The following IKZF1 variants were observed in gnomAD, a reference collection of about 807,000 sequenced individuals.
IKZF1 encodes DNA-binding protein Ikaros.
Under a neutral mutation model 51.7 loss-of-function variants are expected in IKZF1, and 10 were observed. The ratio of observed to expected loss-of-function variants is 0.19; its 90% CI spans 0.12 to 0.33. The LOEUF is 0.33. Ranked by LOEUF, IKZF1 falls within the 10% of genes least tolerant of loss-of-function variation. IKZF1 has a pLI of 1.00. For synonymous variants in IKZF1, 280 were observed against 282.3 expected (o/e 0.99, Z 0.08); for missense variants, 484 against 707.5 (o/e 0.68, Z 3.58).
chr7:50,388,819 A>G (rs1408067484), intron 6 of IKZF1, among the ~76,000 whole-genome samples: 1 of 152,242 alleles, frequency 6.6e-6, no homozygotes, highest in Admixed American at 6.5e-5. Context: ...TCTGTAAAAA[A>G]TAAGTGAATG....
At position 50,400,954 on chromosome 7, in the gene IKZF1, A is replaced by G. The variant is rs1818014855; in HGVS notation, c.*327A>G. 1 of 430,196 alleles carries G rather than the reference A, an allele frequency of 2.3e-6. No individual in the cohort carries two copies. The highest frequency in any genetic ancestry group is 4.2e-6 in the Non-Finnish European group (1 of 237,626). The allele number at this position is 430,196 out of a possible 1,614,324, so 26.6% of individuals were successfully genotyped here. On this transcript the variant is annotated 3_prime_UTR_variant, in exon 8 of 8. Transcript: ENST00000331340. The surrounding 1 kb of genome is among the most constrained non-coding windows in gnomAD (Gnocchi z 5.4). ...CCAAACGATTAGTCTAAATTTTCAGAGAGAAATAGATAAAACACGCCACAG... is the reference window on the plus strand; with the variant it reads ...CCAAACGATTAGTCTAAATTTTCAGGGAGAAATAGATAAAACACGCCACAG...
chr7:50,386,905 C>T lies in IKZF1; in HGVS notation c.590-440C>T, dbSNP rs78110505. On this transcript the variant is annotated intron_variant, in intron 5 of 7. Coordinates refer to ENST00000331340, the MANE Select transcript of IKZF1 (RefSeq NM_006060.6). ...TTCACTCTGGCTGTGTTAGATGTAG[C>T]ACCAGCGTCATGACAGATCCAGCCC... 1.0e-3 allele frequency among the ~76,000 whole-genome samples: 154 copies of T among 152,332 alleles called. 1 individual carries two copies. The East Asian group carries it at 0.028, about 28-fold the overall frequency.
Position 50,402,040 on chromosome 7 carries a change from C to G in IKZF1, c.*1413C>G. ...AGGAAAGAGGAGGCAAATGGCACTGCAGGTGAGAACCCCGCCCATCCGTGC... is the reference window on the plus strand; with the variant it reads ...AGGAAAGAGGAGGCAAATGGCACTGGAGGTGAGAACCCCGCCCATCCGTGC... On this transcript the variant is annotated 3_prime_UTR_variant, in exon 8 of 8. Coordinates refer to ENST00000331340, the MANE Select transcript of IKZF1 (RefSeq NM_006060.6). The G allele has an allele frequency of 4.3e-6, 1 of 230,002 alleles. No homozygotes were observed. The highest frequency in any genetic ancestry group is 8.6e-6 in the Non-Finnish European group (1 of 115,920). The allele number at this position is 230,002 out of a possible 1,614,324, so 14.2% of individuals were successfully genotyped here.
chr7:50,314,878 G>A (rs1791111793), intron 1 of IKZF1, among the ~76,000 whole-genome samples: 1 of 152,248 alleles, frequency 6.6e-6, no homozygotes, highest in Non-Finnish European at 1.5e-5. Context: ...CAGGGCTGTT[G>A]GATGTTTCTC....
At chr7:50,361,859 A>G (rs1253611514) in intron 3 of IKZF1, among the ~76,000 whole-genome samples, 2 of 152,142 alleles carry the variant, frequency 1.3e-5, no homozygotes, top group East Asian at 3.9e-4. Flanking sequence ...CTGGTGACAG[A>G]GCAAGACTCC....
intron 3 of IKZF1, among the ~76,000 whole-genome samples, chr7:50,333,494 C>T (rs925533474): frequency 1.3e-5 from 2 of 152,170 alleles, no homozygotes; most frequent in Non-Finnish European, 2.9e-5. Context: ...TAATCAGCAG[C>T]TAGAGGAAGT....
intron 3 of IKZF1, among the ~76,000 whole-genome samples, chr7:50,343,585 A>G (rs1799626738): frequency 6.6e-6 from 1 of 152,236 alleles, no homozygotes; most frequent in African/African-American, 2.4e-5. Flanking sequence ...AAGGAGAACT[A>G]CTTCTTTGTA....
chr7:50,359,988 C>T (rs1383450836), intron 3 of IKZF1, among the ~76,000 whole-genome samples: 1 of 152,214 alleles, frequency 6.6e-6, no homozygotes, highest in Non-Finnish European at 1.5e-5. Flanking sequence ...AATACCCCTT[C>T]CTTAAAGATT....
intron 3 of IKZF1, among the ~76,000 whole-genome samples, chr7:50,336,919 C>T (rs1797925876): frequency 6.6e-6 from 1 of 152,170 alleles, no homozygotes; most frequent in Non-Finnish European, 1.5e-5. Flanking sequence ...GAGTAAATGC[C>T]TTTAATTGTC....
chr7:50,328,065 G>T, intron 3 of IKZF1: 1 of 267,590 alleles, frequency 3.7e-6, no homozygotes, highest in Non-Finnish European at 7.2e-6. Flanking sequence ...AATATCAAAT[G>T]TTATGGATTG....
At chr7:50,330,819 A>G (rs928787287) in intron 3 of IKZF1, among the ~76,000 whole-genome samples, 5 of 152,204 alleles carry the variant, frequency 3.3e-5, no homozygotes, top group Non-Finnish European at 7.3e-5. Flanking sequence ...ACAGCAGGAA[A>G]TGAAAAGACA....
intron 3 of IKZF1, chr7:50,369,576 C>T: frequency 2.5e-6 from 1 of 398,596 alleles, no homozygotes. Flanking sequence ...TTGATGCCTT[C>T]CCCCGCAAAA....
At chr7:50,351,301 T>C (rs1032144615) in intron 3 of IKZF1, among the ~76,000 whole-genome samples, 23 of 152,242 alleles carry the variant, frequency 1.5e-4, no homozygotes, top group African/African-American at 5.5e-4. Context: ...AAATCATGTC[T>C]TAGTAACCTT....
chr7:50,312,278 TAC>T (rs1338424594), intron 1 of IKZF1, among the ~76,000 whole-genome samples: 3 of 152,214 alleles, frequency 2.0e-5, no homozygotes, highest in Non-Finnish European at 4.4e-5. Context: ...TGTATGCTTC[TAC>T]CATGGCGGCT....
chr7:50,346,396 G>T (rs1318190149), intron 3 of IKZF1, among the ~76,000 whole-genome samples: 1 of 152,208 alleles, frequency 6.6e-6, no homozygotes, highest in Non-Finnish European at 1.5e-5. Context: ...CCCTGCAGAT[G>T]TCTGCAGTGT....
At chr7:50,353,465 G>A (rs755900725) in intron 3 of IKZF1, among the ~76,000 whole-genome samples, 102 of 152,318 alleles carry the variant, frequency 6.7e-4, no homozygotes, top group African/African-American at 2.3e-3. Context: ...TGAGGGAGAA[G>A]AGAAAAAGAA....
At chr7:50,380,399 T>C (rs1355964608) in intron 4 of IKZF1, among the ~76,000 whole-genome samples, 1 of 152,240 alleles carries the variant, frequency 6.6e-6, no homozygotes, top group Admixed American at 6.5e-5. Context: ...ATCTGCCCTT[T>C]CTGTCTGCGA....
intron 3 of IKZF1, among the ~76,000 whole-genome samples, chr7:50,350,346 T>G (rs1263670427): frequency 6.6e-6 from 1 of 152,222 alleles, no homozygotes; most frequent in Non-Finnish European, 1.5e-5. Context: ...GATGTTCCCC[T>G]CACCACTGTT....
chr7:50,334,362 CTG>C (rs1394769162), intron 3 of IKZF1, among the ~76,000 whole-genome samples: 2 of 151,484 alleles, frequency 1.3e-5, no homozygotes, highest in African/African-American at 2.4e-5. Context: ...GTGCAGGTGT[CTG>C]TATATATGTG....
Sources: gnomAD v4.1 joint callset for allele counts (sites outside exome capture counted in the v4.1 genomes callset) on GRCh38, gnomAD v4.1.1 for gene constraint, Gnocchi (gnomAD v3.1) non-coding constraint, MANE v1.5 for transcripts, NCBI Gene and HGNC (gene_info 2026-07-23, HGNC 2026-07-21) for gene names.